Variants in MAGI1 observed in about 807,000 individuals in gnomAD.
MAGI1 encodes the protein membrane-associated guanylate kinase, WW and PDZ domain-containing protein 1.
Under a neutral mutation model 139.9 loss-of-function variants are expected in MAGI1, and 58 were observed. The ratio of observed to expected loss-of-function variants is 0.41; its 90% CI spans 0.34 to 0.52. MAGI1 has a LOEUF of 0.52. Among genes scored for constraint, MAGI1 ranks in the 20% least tolerant of loss-of-function variants. The pLI, the probability that MAGI1 is intolerant of heterozygous loss-of-function variation, is 0.12. For synonymous variants in MAGI1, 812 were observed against 737.9 expected (o/e 1.10, Z -1.63); for missense variants, 1,874 against 1,901.6 (o/e 0.99, Z 0.27).
chr3:65,453,750 G>T (rs1949193688), intron 5 of MAGI1, among the ~76,000 whole-genome samples: 1 of 151,630 alleles, frequency 6.6e-6, no homozygotes, highest in South Asian at 2.1e-4. Flanking sequence ...TCACAAAGAG[G>T]GCTGCTATTT....
intron 1 of MAGI1, among the ~76,000 whole-genome samples, chr3:65,879,935 T>TA (rs1309649591): frequency 1.3e-5 from 2 of 152,188 alleles, no homozygotes; most frequent in African/African-American, 4.8e-5. Context: ...TTGTCATCCC[T>TA]AACAGACACA....
chr3:65,842,487 G>A (rs549572786), intron 1 of MAGI1, among the ~76,000 whole-genome samples: 7 of 151,850 alleles, frequency 4.6e-5, no homozygotes, highest in African/African-American at 1.7e-4. Context: ...CAGCCTTCCC[G>A]AGTAGCTGGG....
intron 1 of MAGI1, among the ~76,000 whole-genome samples, chr3:65,736,634 A>G (rs2034760972): frequency 6.6e-6 from 1 of 152,130 alleles, no homozygotes; most frequent in African/African-American, 2.4e-5. Context: ...AAGAGCTCCA[A>G]TGTCCAAGGG....
intron 1 of MAGI1, among the ~76,000 whole-genome samples, chr3:65,993,638 T>C (rs1175053670): frequency 6.6e-6 from 1 of 152,216 alleles, no homozygotes; most frequent in Admixed American, 6.5e-5. Flanking sequence ...TGAATGAAAC[T>C]TGATCACAAG....
chr3:65,668,078 G>C (rs753864827), intron 1 of MAGI1, among the ~76,000 whole-genome samples: 2 of 152,128 alleles, frequency 1.3e-5, no homozygotes, highest in Non-Finnish European at 2.9e-5. Context: ...CCAAACCCAG[G>C]CTGCTTAGGT....
At chr3:65,632,637 T>G (rs1015811086) in intron 1 of MAGI1, among the ~76,000 whole-genome samples, 1 of 152,184 alleles carries the variant, frequency 6.6e-6, no homozygotes, top group African/African-American at 2.4e-5. Flanking sequence ...CTAAGATAAC[T>G]ATTTTCCAGC....
At position 65,488,583 on chromosome 3, in the gene MAGI1, C is replaced by T. The variant is rs893516540; in HGVS notation, c.550+4929G>A. Among the ~76,000 whole-genome samples, 13 of 152,180 alleles carry T rather than the reference C, an allele frequency of 8.5e-5. No homozygotes were observed. In the East Asian group the frequency reaches 1.2e-3, roughly 14 times the overall value. On this transcript the variant is annotated intron_variant, in intron 3 of 22. Transcript: ENST00000402939. ...GTCGAATTCCTGACCTAAAATGATC[C>T]GCCTGCCTTGGCCTCCCAAAGTGCT...
intron 1 of MAGI1, among the ~76,000 whole-genome samples, chr3:65,847,194 A>T (rs943896359): frequency 1.3e-5 from 2 of 152,182 alleles, no homozygotes; most frequent in Non-Finnish European, 2.9e-5. Context: ...GTAGCATGAC[A>T]AATCACAAAT....
intron 1 of MAGI1, among the ~76,000 whole-genome samples, chr3:65,962,164 C>G (rs1362712378): frequency 6.7e-6 from 1 of 149,870 alleles, no homozygotes; most frequent in African/African-American, 2.5e-5. Context: ...TCTCTGTCGC[C>G]CAGGCTGGAG....
At chr3:65,992,758 A>G (rs61383520) in intron 1 of MAGI1, among the ~76,000 whole-genome samples, 30,170 of 152,186 alleles carry the variant, frequency 0.2, 3,273 homozygotes, top group East Asian at 0.25. Flanking sequence ...ACAAGGGAAC[A>G]AGGGGCAGAG....
chr3:65,602,595 T>G (rs2082534523), intron 2 of MAGI1, among the ~76,000 whole-genome samples: 1 of 152,100 alleles, frequency 6.6e-6, no homozygotes, highest in South Asian at 2.1e-4. Context: ...CTCGGGGTGA[T>G]AAAAACATTC....
intron 12 of MAGI1, among the ~76,000 whole-genome samples, chr3:65,415,378 C>G (rs1304365305): frequency 6.6e-6 from 1 of 152,226 alleles, no homozygotes; most frequent in Non-Finnish European, 1.5e-5. Flanking sequence ...CAGGGCAGCG[C>G]TGAAGGTGTA....
chr3:65,687,867 C>A (rs960271828), intron 1 of MAGI1: 16 of 624,774 alleles, frequency 2.6e-5, no homozygotes, highest in Admixed American at 1.7e-4. Flanking sequence ...AAAACTGGAC[C>A]CAGAACTCCG....
intron 22 of MAGI1, chr3:65,360,185 C>T (rs1397312421): frequency 1.0e-6 from 1 of 985,090 alleles, no homozygotes; most frequent in Non-Finnish European, 1.2e-6. Context: ...GTCCAAAATG[C>T]AACTGAGAAT....
intron 2 of MAGI1, among the ~76,000 whole-genome samples, chr3:65,552,330 A>G (rs759286660): frequency 9.9e-5 from 15 of 151,948 alleles, no homozygotes; most frequent in Non-Finnish European, 2.1e-4. Flanking sequence ...AATTATGCCA[A>G]ATCTTATAAG....
chr3:65,851,712 G>A (rs1458140073), intron 1 of MAGI1, among the ~76,000 whole-genome samples: 2 of 152,236 alleles, frequency 1.3e-5, no homozygotes, highest in Non-Finnish European at 2.9e-5. Flanking sequence ...TGGTGCCACT[G>A]CACTCCAGCC....
intron 1 of MAGI1, among the ~76,000 whole-genome samples, chr3:65,703,016 G>C (rs963186109): frequency 1.3e-5 from 2 of 151,962 alleles, no homozygotes; most frequent in Non-Finnish European, 2.9e-5. Flanking sequence ...GCAGAATCTG[G>C]AGCAGAGACA....
intron 1 of MAGI1, chr3:66,004,007 C>A (rs1278316097): frequency 6.6e-6 from 1 of 152,140 alleles, no homozygotes; most frequent in African/African-American, 2.4e-5. Context: ...ACTCCCACCC[C>A]CTTTGTAAAC....
intron 1 of MAGI1, among the ~76,000 whole-genome samples, chr3:65,664,703 A>C (rs2107415986): frequency 6.6e-6 from 1 of 152,324 alleles, no homozygotes; most frequent in Admixed American, 6.5e-5. Context: ...TGTACAGAGC[A>C]GTGAAAAATT....
Sources: allele counts gnomAD v4.1 joint callset (sites outside exome capture counted in the v4.1 genomes callset), GRCh38; gene constraint gnomAD v4.1.1; transcripts MANE v1.5; gene names NCBI Gene and HGNC (gene_info 2026-07-23, HGNC 2026-07-21).